Variants in EYS observed in about 807,000 individuals in gnomAD.
EYS encodes EGF-like photoreceptor maintenance factor.
EYS carries 250 observed loss-of-function variants against 282.1 expected under a neutral mutation model. The ratio of observed to expected loss-of-function variants is 0.89; its 90% CI spans 0.80 to 0.98. EYS has a LOEUF of 0.98. EYS is among the 50% of genes least tolerant of loss of function. EYS has a pLI of 0.00. For missense variants in EYS, 4,016 were observed against 3,709.0 expected (o/e 1.08, Z -2.15); for synonymous variants, 1,355 against 1,282.9 (o/e 1.06, Z -1.20).
intron 14 of EYS, among the ~76,000 whole-genome samples, chr6:64,964,055 T>C (rs1390035975): frequency 6.6e-6 from 1 of 151,996 alleles, no homozygotes; most frequent in African/African-American, 2.4e-5. Context: ...AAACCTTACA[T>C]CTATAACTTC....
chr6:64,043,549 C>T (rs1218643148), intron 33 of EYS, among the ~76,000 whole-genome samples: 16 of 152,338 alleles, frequency 1.1e-4, no homozygotes, highest in Admixed American at 1.0e-3. Flanking sequence ...TCCTCTCGAA[C>T]ACCTAGAGGT....
At chr6:64,518,186 A>G (rs1343614356) in intron 26 of EYS, among the ~76,000 whole-genome samples, 1 of 151,836 alleles carries the variant, frequency 6.6e-6, no homozygotes, top group Non-Finnish European at 1.5e-5. Context: ...TAAAGAAATT[A>G]TTAAACCTCT....
chr6:65,464,718 C>A, intron 5 of EYS, among the ~76,000 whole-genome samples: 1 of 152,090 alleles, frequency 6.6e-6, no homozygotes, highest in African/African-American at 2.4e-5. Flanking sequence ...AGGAGAGAGT[C>A]TGGAAACTTC....
At chr6:64,661,873 C>A (rs1252307826) in intron 22 of EYS, among the ~76,000 whole-genome samples, 3 of 139,558 alleles carry the variant, frequency 2.1e-5, no homozygotes, top group African/African-American at 2.8e-5. Flanking sequence ...CCCAGCCATC[C>A]CATTACTGGG....
intron 8 of EYS, among the ~76,000 whole-genome samples, chr6:65,369,957 C>T (rs564747793): frequency 9.2e-5 from 14 of 151,478 alleles, no homozygotes; most frequent in African/African-American, 2.4e-4. Context: ...AAACTGTCTC[C>T]GAAGACTGAT....
intron 32 of EYS, among the ~76,000 whole-genome samples, chr6:64,070,763 T>G (rs1771543126): frequency 6.6e-6 from 1 of 152,102 alleles, no homozygotes; most frequent in Admixed American, 6.6e-5. Context: ...TTATTGCATC[T>G]CTAAGGACAT....
intron 5 of EYS, among the ~76,000 whole-genome samples, chr6:65,425,602 T>C (rs1767629325): frequency 1.3e-5 from 2 of 152,174 alleles, no homozygotes; most frequent in Non-Finnish European, 2.9e-5. Context: ...AAAGCATTTA[T>C]GTTAAACTTG....
chr6:65,616,791 C>CAA (rs1005453003), intron 2 of EYS, among the ~76,000 whole-genome samples: 3 of 120,712 alleles, frequency 2.5e-5, no homozygotes, highest in African/African-American at 6.5e-5. Context: ...TCTAAAAAAA[C>CAA]AAAAAAAAAA....
At chr6:65,152,982 CAAA>C (rs112973520) in intron 12 of EYS, among the ~76,000 whole-genome samples, 2 of 133,862 alleles carry the variant, frequency 1.5e-5, no homozygotes. Flanking sequence ...TGTATTAGAC[CAAA>C]AAAAAAAAAA....
Position 65,458,656 on chromosome 6 carries a change from A to G in EYS, c.862+31938T>C, listed in dbSNP as rs1764714065. Among the ~76,000 whole-genome samples the G allele has an allele frequency of 2.6e-5, 4 of 152,278 alleles. No homozygotes were observed. The South Asian group carries it at 8.3e-4, about 32-fold the overall frequency. ...GTTTCTGTTGTTAAGTTCAGGATTT[A>G]CATAATTTAATCAAGTACATGTAAT... On this transcript the variant is annotated intron_variant, in intron 5 of 42. Transcript: ENST00000503581.
At chr6:65,320,570 A>C (rs1019669127) in intron 11 of EYS, among the ~76,000 whole-genome samples, 5 of 152,216 alleles carry the variant, frequency 3.3e-5, no homozygotes, top group Non-Finnish European at 5.9e-5. Context: ...GAACGTATTC[A>C]AGTGGCACAT....
intron 2 of EYS, among the ~76,000 whole-genome samples, chr6:65,503,832 C>A (rs79147754): frequency 0.015 from 2,225 of 151,690 alleles, 64 homozygotes; most frequent in African/African-American, 0.051. Flanking sequence ...GTTCTTTTGT[C>A]AATACCAGGC....
chr6:64,017,349 G>A (rs1768943577), intron 33 of EYS, among the ~76,000 whole-genome samples: 1 of 151,458 alleles, frequency 6.6e-6, no homozygotes, highest in South Asian at 2.1e-4. Context: ...CTGCATGCTG[G>A]GGGTGGGAGA....
intron 2 of EYS, among the ~76,000 whole-genome samples, chr6:65,607,486 ATTT>A (rs1471808328): frequency 6.6e-6 from 1 of 151,744 alleles, no homozygotes; most frequent in Non-Finnish European, 1.5e-5. Flanking sequence ...CCTTCTATTT[ATTT>A]TTGTCTGTTT....
intron 31 of EYS, among the ~76,000 whole-genome samples, chr6:64,138,558 T>C (rs1774237913): frequency 6.6e-6 from 1 of 152,162 alleles, no homozygotes; most frequent in South Asian, 2.1e-4. Flanking sequence ...GTATACTTCT[T>C]ATGGCTTCTG....
At chr6:63,920,488 C>T (rs774113556) in intron 35 of EYS, among the ~76,000 whole-genome samples, 22 of 152,192 alleles carry the variant, frequency 1.4e-4, no homozygotes, top group Non-Finnish European at 2.4e-4. Flanking sequence ...CACTGGGCTC[C>T]CACAAACAGT....
chr6:64,845,115 C>T (rs898579429), intron 19 of EYS, among the ~76,000 whole-genome samples: 1 of 151,996 alleles, frequency 6.6e-6, no homozygotes, highest in Non-Finnish European at 1.5e-5. Context: ...ATAGTAAGAC[C>T]TGGTCCCTAT....
intron 12 of EYS, among the ~76,000 whole-genome samples, chr6:65,067,383 T>G (rs1773778913): frequency 6.6e-6 from 1 of 151,978 alleles, no homozygotes; most frequent in Non-Finnish European, 1.5e-5. Context: ...AATAATGAAA[T>G]CTAAGATGCC....
intron 35 of EYS, among the ~76,000 whole-genome samples, chr6:63,910,864 G>T (rs950800570): frequency 6.6e-6 from 1 of 151,902 alleles, no homozygotes; most frequent in African/African-American, 2.4e-5. Context: ...TGATTTATTG[G>T]CTTGAAGTTA....
Sources: gnomAD v4.1 joint callset for allele counts (sites outside exome capture counted in the v4.1 genomes callset) on GRCh38, gnomAD v4.1.1 for gene constraint, MANE v1.5 for transcripts, NCBI Gene and HGNC (gene_info 2026-07-23, HGNC 2026-07-21) for gene names.